The following DDX60L variants were observed in gnomAD, a reference collection of about 807,000 sequenced individuals.
DDX60L encodes probable ATP-dependent RNA helicase DDX60-like.
Under a neutral mutation model 211.6 loss-of-function variants are expected in DDX60L, and 191 were observed. The observed-to-expected ratio is 0.90, with a 90% CI of 0.80 to 1.02. The LOEUF is 1.02. Ranked by LOEUF, DDX60L falls within the 50% of genes least tolerant of loss-of-function variation. The pLI is 0.00. For missense variants in DDX60L, 2,007 were observed against 1,984.1 expected (o/e 1.01, Z -0.22); for synonymous variants, 706 against 694.1 (o/e 1.02, Z -0.27).
chr4:168,456,742 C>CA (rs1245113760), intron 6 of DDX60L, among the ~76,000 whole-genome samples: 1 of 151,768 alleles, frequency 6.6e-6, no homozygotes, highest in African/African-American at 2.4e-5. Context: ...AATATGTATA[C>CA]AAAAAACATA....
intron 10 of DDX60L, among the ~76,000 whole-genome samples, chr4:168,438,273 C>A (rs1278763305): frequency 6.6e-6 from 1 of 152,136 alleles, no homozygotes; most frequent in African/African-American, 2.4e-5. Context: ...GATATCCTGC[C>A]TTTTGGGGCC....
intron 36 of DDX60L, among the ~76,000 whole-genome samples, chr4:168,362,124 C>T (rs1333226786): frequency 2.0e-5 from 3 of 152,248 alleles, no homozygotes; most frequent in African/African-American, 7.2e-5. Context: ...CCTGCACCAA[C>T]CCATGCCAAG....
At chr4:168,432,652 T>C (rs917449577) in intron 11 of DDX60L, 82 bp from the exon 12 acceptor site, 4 of 743,118 alleles carry the variant, frequency 5.4e-6, no homozygotes, top group South Asian at 2.7e-5. Flanking sequence ...TAACAGAAAT[T>C]GTACAACCTC....
chr4:168,416,624 G>C, intron 20 of DDX60L, 58 bp downstream of exon 20: 2 of 989,808 alleles, frequency 2.0e-6, no homozygotes, highest in Non-Finnish European at 2.9e-6. Flanking sequence ...AGACCATATA[G>C]ACAGTATATA....
At chr4:168,418,067 C>T (rs1008813433) in intron 19 of DDX60L, among the ~76,000 whole-genome samples, 6 of 152,118 alleles carry the variant, frequency 3.9e-5, no homozygotes, top group African/African-American at 1.4e-4. Flanking sequence ...AAGTTACCCA[C>T]ATTTTGTTTT....
Position 168,456,090 on chromosome 4 carries a change from A to T in DDX60L, c.786T>A (p.Val262=). 1 of 1,597,552 alleles carries T rather than the reference A, an allele frequency of 6.3e-7. No individual in the cohort carries two copies. Among genetic ancestry groups the T allele is most frequent in the Non-Finnish European group, 8.5e-7 (1 of 1,173,766 alleles). Residue 262 remains valine (V), a synonymous_variant, in exon 7 of 38, where the codon GTT becomes GTA. Coordinates refer to ENST00000682922, the MANE Select transcript of DDX60L (RefSeq NM_001012967.3). ...ATAGTGAACATGAAGTGACACAGAG[A>T]ACACGCTGGATGTCCGATCCTTCTG... ...LWSEGSDIQR[V]LCVTSCSLSL... is the part of the protein sequence containing the mutation.
At chr4:168,455,388 T>C (rs980467703) in intron 7 of DDX60L, among the ~76,000 whole-genome samples, 2 of 151,360 alleles carry the variant, frequency 1.3e-5, no homozygotes, top group African/African-American at 2.4e-5. Context: ...CTGAAAACAA[T>C]TATAAAAATT....
chr4:168,395,029 AACCACTC>A (rs1745531267), intron 27 of DDX60L, among the ~76,000 whole-genome samples: 1 of 152,184 alleles, frequency 6.6e-6, no homozygotes, highest in African/African-American at 2.4e-5. Flanking sequence ...CTTCTCACTG[AACCACTC>A]ACAAGTCATA....
intron 29 of DDX60L, chr4:168,390,059 A>C (rs1342644905): frequency 1.2e-6 from 1 of 848,172 alleles, no homozygotes; most frequent in Non-Finnish European, 1.4e-6. Context: ...AATTCCCAGA[A>C]AGGTCTGCCA....
In DDX60L at chr4:168,456,151, G is replaced by T. The variant is rs751480302; in HGVS notation, c.725C>A (p.Ala242Glu). The change falls in exon 7 of 38, where the codon GCG becomes GAG. Residue 242 changes from alanine to glutamate, a missense_variant and splice_region_variant. Physicochemically the swap from Ala to Glu is moderately radical, Grantham distance 107. Transcript: ENST00000682922. ...CTGAAGCAGAAATAGAGTCTGATAC[G>T]CCTATCAAAAAAGAAATTTCTTCAA... ...HLKWNDMMEEAYQTLFLLQHL... is the reference protein window; with the variant it reads ...HLKWNDMMEEEYQTLFLLQHL... 25 of 1,529,844 alleles carry T rather than the reference G, an allele frequency of 1.6e-5. No homozygotes were observed. Among genetic ancestry groups the T allele is most frequent in the Non-Finnish European group, 2.1e-5 (24 of 1,144,018 alleles). The allele number at this position is 1,529,844 out of a possible 1,614,324, so 94.8% of individuals were successfully genotyped here. A position where few individuals can be genotyped will look rare whatever the true frequency, so the allele number is the denominator to read the frequency against.
intron 29 of DDX60L, among the ~76,000 whole-genome samples, chr4:168,387,645 T>TG (rs1744133523): frequency 1.3e-5 from 2 of 152,216 alleles, no homozygotes; most frequent in African/African-American, 4.8e-5. Context: ...GGAAGAAGGA[T>TG]GCTGGCTACA....
At chr4:168,413,191 A>G (rs1343392626) in intron 22 of DDX60L, among the ~76,000 whole-genome samples, 1 of 152,238 alleles carries the variant, frequency 6.6e-6, no homozygotes, top group Non-Finnish European at 1.5e-5. Flanking sequence ...AATGAACTAA[A>G]TAAGGTACCA....
rs1738386106 is a variant in DDX60L, at chr4:168,357,706, A to G, written c.*441T>C. ...CTTGTAATCTCAGAAGTCTTCTTAC[A>G]TAACTAAATTGTTGTTCAGAATTGA... On this transcript the variant is annotated 3_prime_UTR_variant, in exon 38 of 38. Transcript: ENST00000682922. The G allele has an allele frequency of 6.3e-6, 1 of 158,672 alleles. No homozygotes were observed. Among genetic ancestry groups the G allele is most frequent in the African/African-American group, 2.4e-5 (1 of 41,490 alleles). The allele number at this position is 158,672 out of a possible 1,614,324, so 9.8% of individuals were successfully genotyped here.
chr4:168,474,514 T>G (rs1019080039), intron 1 of DDX60L, among the ~76,000 whole-genome samples: 1 of 152,144 alleles, frequency 6.6e-6, no homozygotes, highest in Non-Finnish European at 1.5e-5. Flanking sequence ...AAAATTCCAC[T>G]AGAATTTTCA....
At chr4:168,368,357 T>C (rs1740358767) in intron 36 of DDX60L, among the ~76,000 whole-genome samples, 1 of 152,214 alleles carries the variant, frequency 6.6e-6, no homozygotes. Context: ...AGCTTCCACA[T>C]GGTGTTCAGC....
At chr4:168,397,656 C>T (rs1201675672) in intron 26 of DDX60L, among the ~76,000 whole-genome samples, 1 of 152,190 alleles carries the variant, frequency 6.6e-6, no homozygotes, top group Non-Finnish European at 1.5e-5. Context: ...CCTACCAAGC[C>T]ATTCAGAAGG....
intron 17 of DDX60L, among the ~76,000 whole-genome samples, chr4:168,421,393 C>T (rs1750577544): frequency 6.6e-6 from 1 of 152,186 alleles, no homozygotes. Context: ...GGCACGGTGG[C>T]TCACGCCTGT....
chr4:168,477,187 G>A (rs1003620042), intron 1 of DDX60L, among the ~76,000 whole-genome samples: 2 of 152,062 alleles, frequency 1.3e-5, no homozygotes, highest in Non-Finnish European at 2.9e-5. Context: ...AGGCCAAGGC[G>A]GACGGATCAC....
intron 1 of DDX60L, among the ~76,000 whole-genome samples, chr4:168,473,044 G>A (rs1759016231): frequency 6.6e-6 from 1 of 152,146 alleles, no homozygotes; most frequent in Non-Finnish European, 1.5e-5. Context: ...CTCCCTTATA[G>A]TTAATTTGCC....
Sources: allele counts gnomAD v4.1 joint callset (sites outside exome capture counted in the v4.1 genomes callset), GRCh38; gene constraint gnomAD v4.1.1; transcripts MANE v1.5; gene names NCBI Gene and HGNC (gene_info 2026-07-23, HGNC 2026-07-21).